ACOXL: variants seen among roughly 807,000 people sequenced by gnomAD.
The protein encoded by ACOXL is acyl-coenzyme A oxidase-like protein.
A neutral mutation model predicts 71.9 loss-of-function variants in ACOXL; 70 were observed. The ratio of observed to expected loss-of-function variants is 0.97; its 90% confidence interval spans 0.80 to 1.19. ACOXL has a LOEUF of 1.19. Among genes scored for constraint, ACOXL ranks in the 50% most tolerant of loss-of-function variants. The pLI is 0.00. For synonymous variants in ACOXL, 253 were observed against 281.6 expected (o/e 0.90, Z 1.02); for missense variants, 703 against 736.3 (o/e 0.95, Z 0.52).
At chr2:110,878,326 G>C (rs539778254) in intron 10 of ACOXL, among the ~76,000 whole-genome samples, 1 of 152,346 alleles carries the variant, frequency 6.6e-6, no homozygotes, top group East Asian at 1.9e-4. Flanking sequence ...CAACTGAAGA[G>C]AAACTTAGTA....
intron 16 of ACOXL, among the ~76,000 whole-genome samples, chr2:111,079,872 C>CA (rs5833385): frequency 0.4 from 51,035 of 128,988 alleles, 9,241 homozygotes; most frequent in Middle Eastern, 0.53. Flanking sequence ...TGTGAAAGGC[C>CA]AAAAAAAAAA....
At chr2:111,023,358 G>A (rs887023552) in intron 14 of ACOXL, among the ~76,000 whole-genome samples, 1 of 152,214 alleles carries the variant, frequency 6.6e-6, no homozygotes, top group Middle Eastern at 3.2e-3. Context: ...AACTCAGAAG[G>A]TGGAAGCAGA....
chr2:110,831,602 T>C (rs1054171732), intron 9 of ACOXL, among the ~76,000 whole-genome samples: 1 of 152,140 alleles, frequency 6.6e-6, no homozygotes, highest in African/African-American at 2.4e-5. Context: ...CTAAAATTTA[T>C]ATGGGAGGGC....
chr2:110,818,419 A>ATGTGTGTGTGTGTGTG (rs1485183767), intron 9 of ACOXL, among the ~76,000 whole-genome samples: 14 of 141,710 alleles, frequency 9.9e-5, no homozygotes, highest in African/African-American at 3.5e-4. Flanking sequence ...ACATATATAT[A>ATGTGTGTGTGTGTGTG]TATATGTGTG....
Position 110,933,559 on chromosome 2 carries a change from G to T in ACOXL, c.976G>T (p.Ala326Ser). 1 of 1,614,178 alleles carries T rather than the reference G, an allele frequency of 6.2e-7. No individual in the cohort carries two copies. The highest frequency in any genetic ancestry group is 8.5e-7 in the Non-Finnish European group (1 of 1,180,028). Reference sequence around the variant, plus strand: ...GCTGGTCAACAGTCGCTCGCTGCAGGCTCTGGTGGCGGGGCTGAAGGCCTA... The same window carrying T: ...GCTGGTCAACAGTCGCTCGCTGCAGTCTCTGGTGGCGGGGCTGAAGGCCTA... ...KELVNSRSLQ[A>S]LVAGLKAYST... is the part of the protein sequence containing the mutation. Residue 326 changes from alanine (A) to serine (S), a missense_variant, in exon 12 of 18, where the codon GCT becomes TCT. Transcript: ENST00000439055.
At chr2:111,040,622 A>C (rs2065735650) in intron 15 of ACOXL, among the ~76,000 whole-genome samples, 1 of 152,182 alleles carries the variant, frequency 6.6e-6, no homozygotes, top group African/African-American at 2.4e-5. Flanking sequence ...CGGAAGAGAC[A>C]CAAGCTGGGC....
At chr2:111,022,449 A>AC (rs2064811448) in intron 14 of ACOXL, among the ~76,000 whole-genome samples, 1 of 151,426 alleles carries the variant, frequency 6.6e-6, no homozygotes, top group African/African-American at 2.4e-5. Flanking sequence ...ACACACACAC[A>AC]AAGGCACACA....
chr2:110,923,948 A>G (rs565169826), intron 11 of ACOXL, among the ~76,000 whole-genome samples: 2 of 152,200 alleles, frequency 1.3e-5, no homozygotes, highest in South Asian at 4.1e-4. Flanking sequence ...AAAAAAAAAA[A>G]AGAGAAACAG....
intron 9 of ACOXL, among the ~76,000 whole-genome samples, chr2:110,811,730 TACACACACACAC>T (rs780039810): frequency 0.011 from 1,077 of 101,652 alleles, 4 homozygotes; most frequent in African/African-American, 0.023. Context: ...TTTTTTTGCA[TACACACACACAC>T]ACACACACAC....
chr2:110,851,550 T>A (rs1242910462), intron 10 of ACOXL, among the ~76,000 whole-genome samples: 1 of 152,182 alleles, frequency 6.6e-6, no homozygotes, highest in Non-Finnish European at 1.5e-5. Flanking sequence ...ACAACACAGG[T>A]GCAGTCAGGT....
At chr2:111,004,939 A>G (rs1017667025) in intron 14 of ACOXL, among the ~76,000 whole-genome samples, 1 of 152,242 alleles carries the variant, frequency 6.6e-6, no homozygotes, top group African/African-American at 2.4e-5. Context: ...GCACAGAAAT[A>G]TCAATTCTGG....
rs1696600353 is a variant in ACOXL at position 110,881,211 on chromosome 2, TAG to T, written c.789-27576_789-27575del. 3.9e-5 allele frequency among the ~76,000 whole-genome samples: 6 copies of T among 151,962 alleles called. No homozygotes were observed. The South Asian group carries it at 1.2e-3, about 32-fold the overall frequency. ...ACATATCACATACATATCATATATGTAGATATACAGGAGGTTGCTTCAGGGTT... is the reference window on the plus strand; with the variant it reads ...ACATATCACATACATATCATATATGTATATACAGGAGGTTGCTTCAGGGTT... On this transcript the variant is annotated intron_variant, in intron 10 of 17. Transcript: ENST00000439055.
At chr2:110,821,121 T>C (rs1688544350) in intron 9 of ACOXL, among the ~76,000 whole-genome samples, 1 of 152,198 alleles carries the variant, frequency 6.6e-6, no homozygotes, top group Non-Finnish European at 1.5e-5. Context: ...CCACTAAAGC[T>C]GGGCTCTCAA....
chr2:110,809,427 G>A (rs542588729), intron 9 of ACOXL, among the ~76,000 whole-genome samples: 6 of 152,298 alleles, frequency 3.9e-5, no homozygotes, highest in African/African-American at 1.2e-4. Context: ...GGTGCTGGGC[G>A]GCAGACAACT....
chr2:110,904,792 C>G (rs1195176347), intron 10 of ACOXL, among the ~76,000 whole-genome samples: 3 of 152,118 alleles, frequency 2.0e-5, no homozygotes. Flanking sequence ...AGGTTTAAGA[C>G]TGGCTAGTAT....
At chr2:110,819,765 T>C (rs1428360109) in intron 9 of ACOXL, among the ~76,000 whole-genome samples, 1 of 152,176 alleles carries the variant, frequency 6.6e-6, no homozygotes, top group East Asian at 1.9e-4. Flanking sequence ...AGGTAGCCAA[T>C]AACACTGATA....
intron 10 of ACOXL, among the ~76,000 whole-genome samples, chr2:110,904,508 C>T (rs545265120): frequency 2.0e-5 from 3 of 152,198 alleles, no homozygotes; most frequent in African/African-American, 4.8e-5. Context: ...ACTGAGCGGG[C>T]CTTCCCTCAG....
chr2:111,056,509 C>A (rs957940221), intron 16 of ACOXL, among the ~76,000 whole-genome samples: 1 of 152,008 alleles, frequency 6.6e-6, no homozygotes, highest in Non-Finnish European at 1.5e-5. Context: ...TATATTTAGG[C>A]CAGGCATGGT....
intron 10 of ACOXL, among the ~76,000 whole-genome samples, chr2:110,851,334 CTG>C (rs1291590302): frequency 2.0e-5 from 3 of 152,180 alleles, no homozygotes; most frequent in East Asian, 1.9e-4. Flanking sequence ...GGTGAGAACA[CTG>C]TGTCTGAGGC....
Sources: gnomAD v4.1 joint callset for allele counts (sites outside exome capture counted in the v4.1 genomes callset) on GRCh38, gnomAD v4.1.1 for gene constraint, MANE v1.5 for transcripts, NCBI Gene and HGNC (gene_info 2026-07-23, HGNC 2026-07-21) for gene names.